The following VAT1L variants were observed in gnomAD, a reference collection of about 807,000 sequenced individuals.
VAT1L encodes the protein vesicle amine transport 1 like.
A neutral mutation model predicts 44.1 loss-of-function variants in VAT1L; 34 were observed. The observed-to-expected ratio is 0.77, with a 90% CI of 0.59 to 1.03. VAT1L has a LOEUF of 1.03. Among genes scored for constraint, VAT1L ranks in the 50% least tolerant of loss-of-function variants. The probability of loss-of-function intolerance (pLI) is 0.00; values close to 1 mark genes in which losing one functional copy is unlikely to be tolerated. For missense variants in VAT1L, 615 were observed against 538.8 expected, an observed-to-expected ratio of 1.14 and a Z score of -1.40; for synonymous variants, 253 against 202.2, an observed-to-expected ratio of 1.25 and a Z score of -2.13.
At position 77,788,898 on chromosome 16, in the gene VAT1L, G is replaced by A. The variant is rs947220391; in HGVS notation, c.216G>A (p.Lys72=). 1.3e-6 allele frequency: 2 copies of A among 1,534,692 alleles called. No homozygotes were observed. Among genetic ancestry groups the A allele is most frequent in the African/African-American group, 1.4e-5 (1 of 72,404 alleles). The change falls in exon 1 of 9, where the codon AAG becomes AAA. Residue 72 remains lysine (K), a synonymous_variant. Coordinates refer to ENST00000302536, the MANE Select transcript of VAT1L (RefSeq NM_020927.3). ...CCGAGCCTCAGGACGGCGAGCTCAA[G>A]ATCCGCGTCAAAGCCTGGTCCAGTA... ...AMPEPQDGEL[K]IRVKACGLNF... is the part of the protein sequence containing the mutation.
At chr16:77,824,190 G>A (rs1567478619) in intron 2 of VAT1L, among the ~76,000 whole-genome samples, 1 of 152,132 alleles carries the variant, frequency 6.6e-6, no homozygotes, top group African/African-American at 2.4e-5. Flanking sequence ...AATGAAGGAG[G>A]GCTCTGCATT....
chr16:77,947,597 TA>T (rs1425076297), intron 7 of VAT1L, among the ~76,000 whole-genome samples: 1 of 152,036 alleles, frequency 6.6e-6, no homozygotes, highest in Non-Finnish European at 1.5e-5. Context: ...CCTGCTCACA[TA>T]AGAGGGGCCA....
chr16:77,971,731 T>C (rs1391300353), intron 7 of VAT1L, 119 bp from the exon 8 acceptor site: 1 of 1,059,278 alleles, frequency 9.4e-7, no homozygotes, highest in Non-Finnish European at 1.4e-6. Context: ...TCTTAGCCAC[T>C]AAACTTGAGC....
At chr16:77,902,732 T>TTGGGG (rs60274726) in intron 7 of VAT1L, among the ~76,000 whole-genome samples, 3 of 106,944 alleles carry the variant, frequency 2.8e-5, no homozygotes, top group South Asian at 3.4e-4. Flanking sequence ...GATGGGGGGG[T>TTGGGG]GGGGGGGGTG....
chr16:77,823,859 A>AAAAT (rs988128295), intron 2 of VAT1L, among the ~76,000 whole-genome samples: 8 of 152,092 alleles, frequency 5.3e-5, no homozygotes, highest in African/African-American at 1.7e-4. Context: ...AATAAATACA[A>AAAAT]AAATAAATAA....
chr16:77,796,095 G>C (rs2015929057), intron 1 of VAT1L, among the ~76,000 whole-genome samples: 1 of 152,038 alleles, frequency 6.6e-6, no homozygotes, highest in Admixed American at 6.5e-5. Flanking sequence ...CAAAGTGCTG[G>C]GATTTACAGG....
chr16:77,975,442 C>G (rs1182392317), intron 8 of VAT1L, among the ~76,000 whole-genome samples: 2 of 152,004 alleles, frequency 1.3e-5, no homozygotes, highest in African/African-American at 4.8e-5. Context: ...GAAATCCTGA[C>G]CTCAGGTGAT....
intron 7 of VAT1L, among the ~76,000 whole-genome samples, chr16:77,890,917 C>G (rs1361150829): frequency 1.8e-5 from 1 of 54,994 alleles, no homozygotes; most frequent in African/African-American, 6.9e-5. Context: ...GAGGAAGACC[C>G]TGTCGAAAAA....
intron 1 of VAT1L, among the ~76,000 whole-genome samples, chr16:77,805,827 C>T (rs577284164): frequency 3.5e-4 from 49 of 139,696 alleles, no homozygotes; most frequent in Admixed American, 1.1e-3. Flanking sequence ...TATTTATCTG[C>T]TTGTTACTTT....
At chr16:77,975,503 C>T (rs962240167) in intron 8 of VAT1L, among the ~76,000 whole-genome samples, 4 of 152,258 alleles carry the variant, frequency 2.6e-5, no homozygotes, top group South Asian at 4.1e-4. Context: ...TGAGCCACCG[C>T]GCCCGGCCAT....
At chr16:77,825,771 C>T (rs2145246789) in intron 3 of VAT1L, among the ~76,000 whole-genome samples, 1 of 151,636 alleles carries the variant, frequency 6.6e-6, no homozygotes, top group South Asian at 2.1e-4. Flanking sequence ...AATCCCAGCA[C>T]TTTGGGAGGC....
At chr16:77,821,034 C>T (rs922212380) in intron 2 of VAT1L, among the ~76,000 whole-genome samples, 18 of 152,068 alleles carry the variant, frequency 1.2e-4, no homozygotes, top group African/African-American at 3.9e-4. Context: ...GAATTTCTTC[C>T]CTTATTCTCT....
chr16:77,941,376 T>C lies in VAT1L; in HGVS notation c.1078-30474T>C, dbSNP rs565792488. Among the ~76,000 whole-genome samples, 31 of 152,342 alleles carry C rather than the reference T, an allele frequency of 2.0e-4. No homozygotes were observed. The South Asian group carries it at 4.6e-3, about 22-fold the overall frequency. ...TCAAGTTATGATGTGCTGTCATATG[T>C]TGATTTGTATCAGCAGTTGCTCACT... On this transcript the variant is annotated intron_variant, in intron 7 of 8. Transcript: ENST00000302536.
intron 7 of VAT1L, among the ~76,000 whole-genome samples, chr16:77,969,780 A>G (rs1011298270): frequency 2.0e-5 from 3 of 152,122 alleles, no homozygotes; most frequent in Non-Finnish European, 4.4e-5. Flanking sequence ...GCTACAATAT[A>G]TGAAGATTCC....
chr16:77,843,041 C>T (rs1157133989), intron 3 of VAT1L, among the ~76,000 whole-genome samples: 1 of 152,010 alleles, frequency 6.6e-6, no homozygotes, highest in Non-Finnish European at 1.5e-5. Flanking sequence ...AGCCAGTCAC[C>T]CAAAGTCACA....
At chr16:77,895,100 C>CCACACACACACACACACACACACA (rs67138523) in intron 7 of VAT1L, among the ~76,000 whole-genome samples, 14,159 of 144,834 alleles carry the variant, frequency 0.098, 802 homozygotes, top group East Asian at 0.12. Flanking sequence ...AGCCACTTGC[C>CCACACACACACACACACACACACA]CACACACACA....
intron 4 of VAT1L, among the ~76,000 whole-genome samples, chr16:77,864,967 C>CTTTTTT (rs869037679): frequency 3.6e-4 from 34 of 95,382 alleles, no homozygotes; most frequent in Non-Finnish European, 4.8e-4. Flanking sequence ...TCTTCTTATC[C>CTTTTTT]TTTTTTTTTT....
intron 1 of VAT1L, among the ~76,000 whole-genome samples, chr16:77,802,659 CA>C: frequency 7.4e-6 from 1 of 134,360 alleles, no homozygotes; most frequent in African/African-American, 2.7e-5. Flanking sequence ...CACACACACA[CA>C]CACACACACT....
chr16:77,912,951 C>T (rs918505929), intron 7 of VAT1L, among the ~76,000 whole-genome samples: 2 of 152,086 alleles, frequency 1.3e-5, no homozygotes, highest in African/African-American at 2.4e-5. Flanking sequence ...AATCCCATCT[C>T]GAAGGCTTCA....
Sources: gnomAD v4.1 joint callset for allele counts (sites outside exome capture counted in the v4.1 genomes callset) on GRCh38, gnomAD v4.1.1 for gene constraint, MANE v1.5 for transcripts, NCBI Gene and HGNC (gene_info 2026-07-23, HGNC 2026-07-21) for gene names.